SPPL2A: variants seen among roughly 807,000 people sequenced by gnomAD.
The protein encoded by SPPL2A is signal peptide peptidase like 2A.
In SPPL2A, 51 loss-of-function variants were observed where a neutral mutation model predicts 63.8. The observed-to-expected ratio is 0.80, with a 90% confidence interval of 0.64 to 1.01. The LOEUF is 1.01. SPPL2A is among the 50% of genes least tolerant of loss of function. The probability of loss-of-function intolerance (pLI) is 0.00; values close to 1 mark genes in which losing one functional copy is unlikely to be tolerated. For synonymous variants in SPPL2A, 188 were observed against 205.8 expected, an observed-to-expected ratio of 0.91 and a Z score of 0.74; for missense variants, 553 against 622.7, an observed-to-expected ratio of 0.89 and a Z score of 1.19.
chr15:50,739,990 A>C (rs2062806009), intron 5 of SPPL2A, among the ~76,000 whole-genome samples, 162 bp from the exon 6 acceptor site: 1 of 152,202 alleles, frequency 6.6e-6, no homozygotes, highest in South Asian at 2.1e-4. Flanking sequence ...TTGTTATAGC[A>C]AGTAATGTAC....
chr15:50,757,244 G>A (rs898353459), intron 1 of SPPL2A, among the ~76,000 whole-genome samples: 4 of 151,932 alleles, frequency 2.6e-5, no homozygotes, highest in Admixed American at 6.6e-5. Context: ...CACTGCGCCC[G>A]GCTAATTTTT....
chr15:50,754,552 C>T (rs766505302), intron 1 of SPPL2A, among the ~76,000 whole-genome samples: 3 of 151,950 alleles, frequency 2.0e-5, no homozygotes, highest in Non-Finnish European at 4.4e-5. Flanking sequence ...GCAAATTATA[C>T]GTCAATAAGG....
At chr15:50,727,166 T>C (rs1380645834) in intron 10 of SPPL2A, among the ~76,000 whole-genome samples, 1 of 152,168 alleles carries the variant, frequency 6.6e-6, no homozygotes, top group Non-Finnish European at 1.5e-5. Context: ...ATTCGTATTA[T>C]TGTAGTGTAT....
At chr15:50,726,414 T>A in intron 10 of SPPL2A, 37 bp from the exon 11 acceptor site, 1 of 1,579,236 alleles carries the variant, frequency 6.3e-7, no homozygotes, top group Non-Finnish European at 8.7e-7. Flanking sequence ...TCTAATCATT[T>A]AAAGAGAACA....
At chr15:50,753,543 CTT>C (rs1458334558) in intron 1 of SPPL2A, among the ~76,000 whole-genome samples, 2 of 152,136 alleles carry the variant, frequency 1.3e-5, no homozygotes, top group Non-Finnish European at 1.5e-5. Flanking sequence ...TTTAACCTAT[CTT>C]AAGTTTCAAT....
chr15:50,725,127 T>G, intron 12 of SPPL2A, 94 bp downstream of exon 12: 3 of 805,546 alleles, frequency 3.7e-6, no homozygotes, highest in Non-Finnish European at 6.3e-6. Context: ...AAATAGTTAA[T>G]ACAGAGTAGG....
At chr15:50,738,904 A>G (rs910444117) in intron 6 of SPPL2A, among the ~76,000 whole-genome samples, 1 of 152,180 alleles carries the variant, frequency 6.6e-6, no homozygotes, top group Non-Finnish European at 1.5e-5. Flanking sequence ...AACTGTTTAT[A>G]TAAGTAACAT....
At chr15:50,712,280 T>C (rs1462216368) in intron 14 of SPPL2A, among the ~76,000 whole-genome samples, 2 of 152,230 alleles carry the variant, frequency 1.3e-5, no homozygotes, top group Non-Finnish European at 2.9e-5. Context: ...AATGTGATTT[T>C]AATTGGAGCG....
chr15:50,744,523 T>TCC, intron 5 of SPPL2A, among the ~76,000 whole-genome samples: 1 of 152,310 alleles, frequency 6.6e-6, no homozygotes, highest in East Asian at 1.9e-4. Context: ...GAGTTATGAA[T>TCC]ATACACTGAC....
chr15:50,739,560 T>A (rs2062801134), intron 6 of SPPL2A, 120 bp downstream of exon 6: 1 of 643,012 alleles, frequency 1.6e-6, no homozygotes, highest in Non-Finnish European at 2.5e-6. Context: ...AAATTAATAT[T>A]AACCAAATTA....
chr15:50,764,446 TG>T (rs1320922328), intron 1 of SPPL2A: 1 of 152,226 alleles, frequency 6.6e-6, no homozygotes, highest in Non-Finnish European at 1.5e-5. Flanking sequence ...ACTTACTTTT[TG>T]GCTTAGATTT....
chr15:50,723,245 T>C (rs2062661936), intron 12 of SPPL2A, among the ~76,000 whole-genome samples: 1 of 152,194 alleles, frequency 6.6e-6, no homozygotes, highest in Admixed American at 6.5e-5. Flanking sequence ...GAAACCAGTA[T>C]GGTGGTTCTT....
At chr15:50,747,652 A>T in intron 4 of SPPL2A, 24 bp from the exon 5 acceptor site, 1 of 1,568,230 alleles carries the variant, frequency 6.4e-7, no homozygotes, top group East Asian at 2.2e-5. Context: ...TAACAGTTAA[A>T]CACAGGAATA....
At chr15:50,732,451 A>G in intron 9 of SPPL2A, 152 bp downstream of exon 9, 1 of 560,054 alleles carries the variant, frequency 1.8e-6, no homozygotes, top group East Asian at 3.0e-5. Flanking sequence ...CTACAACTTC[A>G]CTGGGATAGT....
At chr15:50,710,464 A>T (rs1159396543) in intron 14 of SPPL2A, among the ~76,000 whole-genome samples, 1 of 152,208 alleles carries the variant, frequency 6.6e-6, no homozygotes, top group Non-Finnish European at 1.5e-5. Flanking sequence ...CTTTCCAATA[A>T]AAACAATACA....
chr15:50,757,989 T>TA (rs71210386), intron 1 of SPPL2A, among the ~76,000 whole-genome samples: 1,905 of 61,326 alleles, frequency 0.031, 40 homozygotes, highest in African/African-American at 0.093. Flanking sequence ...GTCTCAATTA[T>TA]AAAAAAAAAA....
intron 6 of SPPL2A, among the ~76,000 whole-genome samples, chr15:50,737,426 C>A (rs576274264): frequency 1.3e-5 from 2 of 152,248 alleles, no homozygotes; most frequent in Admixed American, 1.3e-4. Context: ...GCTCTCTCAA[C>A]AACAGTTTAA....
intron 10 of SPPL2A, 34 bp downstream of exon 10, chr15:50,730,931 T>C (rs1011813278): frequency 2.4e-6 from 2 of 850,562 alleles, no homozygotes; most frequent in African/African-American, 1.7e-5. Flanking sequence ...TTTTTTAGCA[T>C]GTTTCTTCAC....
Position 50,765,458 on chromosome 15 carries a change from G to GC in SPPL2A, c.66+9dup. 4 of 1,499,356 alleles carry GC rather than the reference G, an allele frequency of 2.7e-6. No homozygotes were observed. Among genetic ancestry groups the GC allele is most frequent in the Non-Finnish European group, 3.5e-6 (4 of 1,131,582 alleles). The allele number at this position is 1,499,356 out of a possible 1,614,324, so 92.9% of individuals were successfully genotyped here. A position where few individuals can be genotyped will look rare whatever the true frequency, so the allele number is the denominator to read the frequency against. ...CCCTGGGAGGCCTGCGCGCCTTCCC[G>GC]CCCCCTTACCAGCTGGAGCAGGAAG... On this transcript the variant is annotated intron_variant, in intron 1 of 14. Transcript: ENST00000261854.
Sources: gnomAD v4.1 joint callset for allele counts (sites outside exome capture counted in the v4.1 genomes callset) on GRCh38, gnomAD v4.1.1 for gene constraint, MANE v1.5 for transcripts, NCBI Gene and HGNC (gene_info 2026-07-23, HGNC 2026-07-21) for gene names.